ART3: variants seen among roughly 807,000 people sequenced by gnomAD.
The protein encoded by ART3 is ecto-ADP-ribosyltransferase 3.
A neutral mutation model predicts 48.5 loss-of-function variants in ART3; 49 were observed. The observed-to-expected ratio is 1.01, with a 90% CI of 0.80 to 1.28. The LOEUF is 1.28. Among genes scored for constraint, ART3 ranks in the 50% most tolerant of loss-of-function variants. ART3 has a pLI of 0.00. For synonymous variants in ART3, 145 were observed against 157.2 expected, an observed-to-expected ratio of 0.92 and a Z score of 0.58; for missense variants, 438 against 454.3, an observed-to-expected ratio of 0.96 and a Z score of 0.33.
Position 76,079,176 on chromosome 4 carries a change from T to TAAAAA in ART3, c.70-2634_70-2630dup, listed in dbSNP as rs35036561. ...AATCTCTTAGTTTCCTCATCTTTGT[T>TAAAAA]AAAAAAAAAAAAAAAAAAGGCGGGG... On this transcript the variant is annotated intron_variant, in intron 2 of 11. Coordinates refer to ENST00000355810, the MANE Select transcript of ART3 (RefSeq NM_001130016.3). 7.4e-3 allele frequency among the ~76,000 whole-genome samples: 973 copies of TAAAAA among 130,820 alleles called. 22 individuals carry two copies. The highest frequency in any genetic ancestry group is 0.026 in the African/African-American group (874 of 34,000). 85.8% of individuals were successfully genotyped at this position (130,820 alleles called of 152,430 possible). A position where few individuals can be genotyped will look rare whatever the true frequency, so the allele number is the denominator to read the frequency against.
chr4:76,103,831 T>TG, intron 8 of ART3, 106 bp from the exon 9 acceptor site: 1 of 829,552 alleles, frequency 1.2e-6, no homozygotes, highest in African/African-American at 1.8e-5. Flanking sequence ...CCCCCTGCCT[T>TG]TTTTTTTTTT....
chr4:76,104,680 C>T (rs1038546632), intron 10 of ART3, 51 bp downstream of exon 10: 2 of 1,544,548 alleles, frequency 1.3e-6, no homozygotes, highest in Non-Finnish European at 1.8e-6. Context: ...TTGGGGAGTA[C>T]AGTCACCATT....
intron 1 of ART3, among the ~76,000 whole-genome samples, chr4:76,015,760 C>T (rs1438707882): frequency 6.6e-6 from 1 of 152,156 alleles, no homozygotes; most frequent in Non-Finnish European, 1.5e-5. Flanking sequence ...TCTCGAGTAG[C>T]TGGGACCATA....
chr4:76,057,984 C>T (rs1718852430), intron 1 of ART3: 2 of 152,278 alleles, frequency 1.3e-5, no homozygotes, highest in Non-Finnish European at 1.5e-5. Context: ...TTTAGTCTCT[C>T]TTCAGAATCT....
chr4:76,111,148 C>T (rs1265317594), intron 11 of ART3, among the ~76,000 whole-genome samples: 1 of 152,176 alleles, frequency 6.6e-6, no homozygotes, highest in African/African-American at 2.4e-5. Flanking sequence ...TCTTAAAACA[C>T]CATGTGTTGC....
intron 1 of ART3, among the ~76,000 whole-genome samples, chr4:76,026,116 G>T (rs1733360388): frequency 6.6e-6 from 1 of 151,254 alleles, no homozygotes. Context: ...CCAGTCAGTG[G>T]CCCATACACT....
intron 1 of ART3, among the ~76,000 whole-genome samples, chr4:76,025,943 T>TA (rs1212229277): frequency 6.6e-6 from 1 of 152,104 alleles, no homozygotes; most frequent in Non-Finnish European, 1.5e-5. Context: ...TTTTTTTATT[T>TA]AAAAAACGTA....
At chr4:76,104,304 G>C in intron 9 of ART3, 1 of 963,544 alleles carries the variant, frequency 1.0e-6, no homozygotes, top group Non-Finnish European at 1.2e-6. Flanking sequence ...TTACGCACAA[G>C]TTGACTGTTA....
At chr4:76,032,580 T>C (rs1733967934) in intron 1 of ART3, among the ~76,000 whole-genome samples, 1 of 109,090 alleles carries the variant, frequency 9.2e-6, no homozygotes, top group African/African-American at 3.8e-5. Flanking sequence ...TAGATTCAAG[T>C]CTTTTTTTTT....
chr4:76,040,361 T>C (rs1734829523), intron 1 of ART3, among the ~76,000 whole-genome samples: 1 of 151,406 alleles, frequency 6.6e-6, no homozygotes, highest in Non-Finnish European at 1.5e-5. Context: ...AAATGTGTAA[T>C]AAGAAGAACC....
At chr4:76,061,659 T>G (rs1301976186) in intron 1 of ART3, among the ~76,000 whole-genome samples, 1 of 152,220 alleles carries the variant, frequency 6.6e-6, no homozygotes, top group Non-Finnish European at 1.5e-5. Context: ...TTTTAACTCT[T>G]TGTGTTCCAT....
At chr4:76,071,731 T>C (rs1030888889), upstream of ART3, among the ~76,000 whole-genome samples, 2 of 152,206 alleles carry the variant, frequency 1.3e-5, no homozygotes, top group African/African-American at 2.4e-5. Flanking sequence ...CAGGATACTT[T>C]TTCCACACAC....
chr4:76,062,525 G>A (rs902098667), intron 1 of ART3, among the ~76,000 whole-genome samples: 22 of 150,602 alleles, frequency 1.5e-4, no homozygotes, highest in Admixed American at 6.6e-4. Context: ...AAACATCTCA[G>A]AGCATCTCAT....
intron 1 of ART3, among the ~76,000 whole-genome samples, chr4:76,060,294 G>GTTAT (rs1415018198): frequency 6.6e-6 from 1 of 151,976 alleles, no homozygotes. Flanking sequence ...AAGTACATTG[G>GTTAT]TAATATATAA....
intron 4 of ART3, among the ~76,000 whole-genome samples, chr4:76,097,976 G>A (rs1726394288): frequency 1.3e-5 from 2 of 152,102 alleles, no homozygotes; most frequent in Admixed American, 1.3e-4. Flanking sequence ...GACCTTATAG[G>A]AGTTTAAGGA....
intron 1 of ART3, among the ~76,000 whole-genome samples, chr4:76,053,276 C>G (rs1736310250): frequency 2.0e-5 from 3 of 152,240 alleles, no homozygotes; most frequent in Admixed American, 6.5e-5. Flanking sequence ...CAGGAAGAGT[C>G]TTCCTGGAAC....
chr4:76,105,307 C>A (rs552192654), intron 10 of ART3, among the ~76,000 whole-genome samples: 1 of 152,278 alleles, frequency 6.6e-6, no homozygotes, highest in African/African-American at 2.4e-5. Context: ...GACCTGGCTT[C>A]AGGAAGTCTC....
chr4:76,059,362 G>GTTTTTT (rs71657397), intron 1 of ART3, among the ~76,000 whole-genome samples: 1 of 141,062 alleles, frequency 7.1e-6, no homozygotes, highest in East Asian at 2.0e-4. Context: ...ATTTTCTCTT[G>GTTTTTT]TTTTTTTTTC....
At chr4:76,060,662 A>G (rs544979254) in intron 1 of ART3, among the ~76,000 whole-genome samples, 4 of 152,322 alleles carry the variant, frequency 2.6e-5, no homozygotes, top group Admixed American at 1.3e-4. Flanking sequence ...GACCCACTGT[A>G]ATAACATGGG....
Sources: gnomAD v4.1 joint callset for allele counts (sites outside exome capture counted in the v4.1 genomes callset) on GRCh38, gnomAD v4.1.1 for gene constraint, MANE v1.5 for transcripts, NCBI Gene and HGNC (gene_info 2026-07-23, HGNC 2026-07-21) for gene names.